Variants in EPM2A observed in about 807,000 individuals in gnomAD.
EPM2A encodes the protein laforin.
Under a neutral mutation model 26.5 loss-of-function variants are expected in EPM2A, and 21 were observed. That is an observed-to-expected ratio of 0.79 (90% CI 0.56 to 1.14). The LOEUF is 1.14. EPM2A is among the 50% of genes most tolerant of loss of function. The pLI is 0.00. For missense variants in EPM2A, 458 were observed against 440.8 expected (o/e 1.04, Z -0.35); for synonymous variants, 217 against 177.6 (o/e 1.22, Z -1.76).
intron 2 of EPM2A, among the ~76,000 whole-genome samples, chr6:145,651,348 C>T (rs1211169683): frequency 6.6e-6 from 1 of 152,138 alleles, no homozygotes; most frequent in African/African-American, 2.4e-5. Flanking sequence ...GTGTTCTTTT[C>T]CTTTCATTAT....
At chr6:145,473,068 G>C (rs115592490) in intron 4 of EPM2A, among the ~76,000 whole-genome samples, 1 of 151,868 alleles carries the variant, frequency 6.6e-6, no homozygotes, top group Non-Finnish European at 1.5e-5. Context: ...AAGCACAAGG[G>C]AACAATCCTG....
chr6:145,605,322 A>T (rs1215610192), intron 2 of EPM2A, among the ~76,000 whole-genome samples: 1 of 152,148 alleles, frequency 6.6e-6, no homozygotes, highest in East Asian at 1.9e-4. Context: ...GCATGTTCTT[A>T]CCTGAGTATT....
At chr6:145,571,000 T>C (rs1182460981) in intron 2 of EPM2A, among the ~76,000 whole-genome samples, 1 of 152,122 alleles carries the variant, frequency 6.6e-6, no homozygotes, top group Non-Finnish European at 1.5e-5. Context: ...AATAGAATTG[T>C]TGTTGTGTCT....
downstream of EPM2A, among the ~76,000 whole-genome samples, chr6:145,620,875 T>A (rs1179677103): frequency 6.6e-6 from 1 of 152,242 alleles, no homozygotes; most frequent in Admixed American, 6.5e-5. Flanking sequence ...CAATTATACA[T>A]ACATTGGGAA....
intron 4 of EPM2A, among the ~76,000 whole-genome samples, chr6:145,410,764 C>T (rs902680076): frequency 6.6e-6 from 1 of 152,156 alleles, no homozygotes; most frequent in Non-Finnish European, 1.5e-5. Context: ...CTTGCTGAGA[C>T]AAGTTGAGTC....
intron 2 of EPM2A, among the ~76,000 whole-genome samples, chr6:145,548,214 CCTT>C (rs1214361271): frequency 1.3e-5 from 2 of 152,118 alleles, no homozygotes; most frequent in Non-Finnish European, 2.9e-5. Context: ...GGCGCACTGA[CCTT>C]CTTCTCTTTC....
At chr6:145,592,738 T>C (rs1781291713) in intron 2 of EPM2A, among the ~76,000 whole-genome samples, 1 of 152,106 alleles carries the variant, frequency 6.6e-6, no homozygotes, top group African/African-American at 2.4e-5. Flanking sequence ...CCAGTGATGA[T>C]GGGCAAGAAA....
intron 2 of EPM2A, among the ~76,000 whole-genome samples, chr6:145,527,576 T>A (rs565805318): frequency 1.3e-5 from 2 of 152,258 alleles, no homozygotes; most frequent in Admixed American, 1.3e-4. Flanking sequence ...TAAAGTCTTT[T>A]GGTTGCTATT....
intron 2 of EPM2A, among the ~76,000 whole-genome samples, chr6:145,507,253 C>T (rs1329400136): frequency 6.6e-6 from 1 of 152,164 alleles, no homozygotes; most frequent in African/African-American, 2.4e-5. Flanking sequence ...TAGGATGCCT[C>T]GGCCACTTGG....
chr6:145,470,556 C>G (rs1779460565), intron 4 of EPM2A, among the ~76,000 whole-genome samples: 1 of 152,058 alleles, frequency 6.6e-6, no homozygotes, highest in South Asian at 2.1e-4. Context: ...ACACTTTTGA[C>G]TGTGTCTAGT....
intron 2 of EPM2A, among the ~76,000 whole-genome samples, chr6:145,653,383 T>C (rs1013506290): frequency 2.6e-5 from 4 of 152,196 alleles, no homozygotes; most frequent in Non-Finnish European, 5.9e-5. Context: ...ACCATGATTG[T>C]AGGTTTCCTT....
intron 3 of EPM2A, 64 bp from the exon 4 acceptor site, chr6:145,627,757 C>T: frequency 6.3e-7 from 1 of 1,585,248 alleles, no homozygotes; most frequent in Non-Finnish European, 8.6e-7. Context: ...CCGCTGAGGT[C>T]TCCTCCAGCA....
At chr6:145,621,049 T>C (rs904163127), downstream of EPM2A, among the ~76,000 whole-genome samples, 1 of 152,218 alleles carries the variant, frequency 6.6e-6, no homozygotes, top group Non-Finnish European at 1.5e-5. Context: ...CCAGGACTTA[T>C]TCATCTTAAA....
chr6:145,668,508 T>G (rs1779403005), intron 2 of EPM2A, among the ~76,000 whole-genome samples: 1 of 152,244 alleles, frequency 6.6e-6, no homozygotes. Flanking sequence ...ACGATTTTTT[T>G]GGCATTCATT....
At chr6:145,556,518 G>C (rs891724109) in intron 2 of EPM2A, among the ~76,000 whole-genome samples, 18 of 152,102 alleles carry the variant, frequency 1.2e-4, no homozygotes, top group Non-Finnish European at 2.4e-4. Context: ...AGAGCTCTGG[G>C]AAGTGAAGTA....
chr6:145,693,492 C>G (rs933158251), intron 1 of EPM2A, among the ~76,000 whole-genome samples: 1 of 151,814 alleles, frequency 6.6e-6, no homozygotes, highest in Non-Finnish European at 1.5e-5. Flanking sequence ...CATGAACATA[C>G]AGAGTGAAAT....
intron 3 of EPM2A, 122 bp downstream of exon 3, chr6:145,635,122 TA>T: frequency 8.7e-7 from 1 of 1,150,916 alleles, no homozygotes; most frequent in Non-Finnish European, 1.3e-6. Flanking sequence ...ATATTAAATC[TA>T]AAATCTTATA....
rs914312734 is a variant in EPM2A at position 145,448,318 on chromosome 6, T to C, written c.555+54204A>G. On this transcript the variant is annotated intron_variant, in intron 4 of 4. Coordinates refer to the EPM2A transcript ENST00000638717. ...TTTTCTATCTCATTACCCAAACTTA[T>C]AGGAAACCACAATGTAAATCAAATT... Among the ~76,000 whole-genome samples, 6 of 152,176 alleles carry C rather than the reference T, an allele frequency of 3.9e-5. No individual in the cohort carries two copies. In the South Asian group the frequency reaches 8.3e-4, roughly 21 times the overall value.
chr6:145,455,577 C>T (rs567447886), intron 4 of EPM2A, among the ~76,000 whole-genome samples: 2 of 152,162 alleles, frequency 1.3e-5, no homozygotes, highest in East Asian at 3.9e-4. Flanking sequence ...AGGCTGGTCT[C>T]GAACTCCTGA....
Sources: allele counts gnomAD v4.1 joint callset (sites outside exome capture counted in the v4.1 genomes callset), GRCh38; gene constraint gnomAD v4.1.1; transcripts MANE v1.5; gene names NCBI Gene and HGNC (gene_info 2026-07-23, HGNC 2026-07-21).